The following DZIP1L variants were observed in gnomAD, a reference collection of about 807,000 sequenced individuals.
DZIP1L encodes the protein DAZ interacting zinc finger protein 1 like.
In DZIP1L, 90 loss-of-function variants were observed where a neutral mutation model predicts 88.7. The observed-to-expected ratio is 1.02, with a 90% CI of 0.86 to 1.21. The LOEUF (loss-of-function observed/expected upper bound fraction) is 1.21. Among genes scored for constraint, DZIP1L ranks in the 50% most tolerant of loss-of-function variants. The pLI is 0.00. For synonymous variants in DZIP1L, 363 were observed against 372.1 expected, an observed-to-expected ratio of 0.98 and a Z score of 0.28; for missense variants, 932 against 955.8, an observed-to-expected ratio of 0.98 and a Z score of 0.33.
Position 138,103,716 on chromosome 3 carries a change from C to A in DZIP1L, c.256G>T (p.Val86Leu), listed in dbSNP as rs142726001. The A allele has an allele frequency of 5.9e-4, 956 of 1,613,432 alleles. 2 individuals are homozygous for A. The highest frequency in any genetic ancestry group is 9.5e-4 in the Admixed American group (57 of 60,018). ...GQPVDPALLK[V>L]LRLAQLIIEY... is the part of the protein sequence containing the mutation. Reference sequence around the variant, plus strand: ...ATGATGAGCTGCGCCAGGCGCAGCACCTTGAGCAGTGCCGGGTCCACAGGC... The same window carrying A: ...ATGATGAGCTGCGCCAGGCGCAGCAACTTGAGCAGTGCCGGGTCCACAGGC... The change falls in exon 2 of 16, where the codon GTG (valine) becomes TTG (leucine). Residue 86 changes from valine to leucine, a missense_variant. Transcript: ENST00000327532.
chr3:138,069,216 C>T (rs1394450502), intron 12 of DZIP1L: 3 of 605,370 alleles, frequency 5.0e-6, no homozygotes, highest in Non-Finnish European at 8.9e-6. Context: ...GATCCACTTC[C>T]CCTTAATGAA....
intron 2 of DZIP1L, among the ~76,000 whole-genome samples, chr3:138,099,383 T>A (rs756153063): frequency 2.0e-5 from 3 of 152,182 alleles, no homozygotes; most frequent in Non-Finnish European, 4.4e-5. Context: ...TTCTTCTTCT[T>A]CCAATGTGGC....
At chr3:138,104,599 G>C (rs28688286) in intron 1 of DZIP1L, among the ~76,000 whole-genome samples, 9,489 of 152,250 alleles carry the variant, frequency 0.062, 412 homozygotes, top group Non-Finnish European at 0.093. Context: ...AATGGAACAC[G>C]AGTGAACTAC....
intron 1 of DZIP1L, among the ~76,000 whole-genome samples, chr3:138,106,045 T>A (rs1357527330): frequency 2.0e-5 from 3 of 151,222 alleles, no homozygotes; most frequent in Non-Finnish European, 2.9e-5. Flanking sequence ...CTTGCAGAAG[T>A]GAGAATCTGA....
chr3:138,068,181 C>A lies in DZIP1L; in HGVS notation c.1802G>T (p.Ser601Ile). 6.4e-7 allele frequency: 1 copy of A among 1,559,262 alleles called. No individual in the cohort carries two copies. The highest frequency in any genetic ancestry group is 1.2e-5 in the South Asian group (1 of 83,300). ...CCCGGGCCCCGAGGAAGGAGGGGTG[C>A]TGGAGGGTCCATGCAGTCCGGGGCG... ...APRPGLHGPS[S>I]TPPSSGPGMS... Residue 601 changes from serine to isoleucine, a missense_variant, in exon 13 of 16, where the codon AGC becomes ATC. Coordinates refer to ENST00000327532, the MANE Select transcript of DZIP1L (RefSeq NM_173543.3).
At chr3:138,072,614 T>A (rs1395356885) in intron 11 of DZIP1L, among the ~76,000 whole-genome samples, 1 of 152,174 alleles carries the variant, frequency 6.6e-6, no homozygotes, top group Non-Finnish European at 1.5e-5. Flanking sequence ...AATAATAACA[T>A]ACGTGTTCTG....
intron 10 of DZIP1L, 91 bp downstream of exon 10, chr3:138,080,475 CA>C: frequency 7.1e-7 from 1 of 1,410,852 alleles, no homozygotes; most frequent in Non-Finnish European, 1.0e-6. Flanking sequence ...TTCGGATGTC[CA>C]GATACAGTTA....
intron 5 of DZIP1L, chr3:138,088,915 C>T: frequency 1.0e-6 from 1 of 986,996 alleles, no homozygotes; most frequent in Non-Finnish European, 1.2e-6. Flanking sequence ...TCTCTCCCTA[C>T]AAAACATCCT....
At chr3:138,109,370 C>T (rs1328428010) in intron 1 of DZIP1L, among the ~76,000 whole-genome samples, 1 of 152,206 alleles carries the variant, frequency 6.6e-6, no homozygotes, top group Non-Finnish European at 1.5e-5. Flanking sequence ...GATTCACACC[C>T]AGGCAGCCTG....
chr3:138,091,039 A>G (rs1944196339), intron 5 of DZIP1L, among the ~76,000 whole-genome samples: 1 of 151,728 alleles, frequency 6.6e-6, no homozygotes, highest in East Asian at 2.0e-4. Flanking sequence ...ACCTGCCACC[A>G]CACCCAGCTA....
intron 2 of DZIP1L, chr3:138,101,996 G>A: frequency 6.5e-7 from 1 of 1,537,164 alleles, no homozygotes; most frequent in East Asian, 2.3e-5. Flanking sequence ...TCATCTCAGA[G>A]ATCTCAGTCT....
chr3:138,103,167 C>T (rs1193379856), intron 2 of DZIP1L, among the ~76,000 whole-genome samples: 1 of 152,000 alleles, frequency 6.6e-6, no homozygotes, highest in East Asian at 1.9e-4. Context: ...CATTTACAAA[C>T]ACACACACTC....
rs1038953440 is a variant in DZIP1L, at chr3:138,080,688, C to G, written c.1235-68G>C. ...CCCATCCCTGACTAGAAGAAAAGTACAGAACCCCAGCTGAGTATGAGCCAG... is the reference window on the plus strand; with the variant it reads ...CCCATCCCTGACTAGAAGAAAAGTAGAGAACCCCAGCTGAGTATGAGCCAG... On this transcript the variant is annotated intron_variant, in intron 9 of 15. Transcript: ENST00000327532. 51 of 1,546,426 alleles carry G rather than the reference C, an allele frequency of 3.3e-5. No individual in the cohort carries two copies. The African/African-American group carries it at 6.3e-4, about 19-fold the overall frequency.
At position 138,081,735 on chromosome 3, in the gene DZIP1L, T is replaced by C. The variant is rs1389642463; in HGVS notation, c.1233A>G (p.Glu411=). ...ACACTGCCCTGTGTAGACACTTACC[T>C]TCCACCTTCCTGAGAGACAAGGACT... The part of the protein sequence containing the change: ...MIQSLSLRKV[E]GIHKVPKAVD... The change falls in exon 9 of 16, where the codon GAA becomes GAG. Residue 411 remains glutamate (E), a splice_region_variant and synonymous_variant. Transcript: ENST00000327532. 1 of 1,613,250 alleles carries C rather than the reference T, an allele frequency of 6.2e-7. No homozygotes were observed. The highest frequency in any genetic ancestry group is 1.7e-5 in the Admixed American group (1 of 59,894).
At chr3:138,099,112 G>C (rs1490109849) in intron 2 of DZIP1L, among the ~76,000 whole-genome samples, 1 of 152,208 alleles carries the variant, frequency 6.6e-6, no homozygotes, top group Non-Finnish European at 1.5e-5. Flanking sequence ...CTGGATGACA[G>C]AGTGAGACCC....
rs1943664711 is a variant in DZIP1L at position 138,081,752 on chromosome 3, A to G, written c.1216T>C (p.Ser406Pro). 6.2e-7 allele frequency: 1 copy of G among 1,613,392 alleles called. No individual in the cohort carries two copies. Among genetic ancestry groups the G allele is most frequent in the African/African-American group, 1.3e-5 (1 of 75,046 alleles). The change falls in exon 9 of 16, where the codon TCT (serine) becomes CCT (proline). Residue 406 changes from serine (S) to proline (P), a missense_variant. Coordinates refer to ENST00000327532, the MANE Select transcript of DZIP1L (RefSeq NM_173543.3). ...ASQEEMIQSL[S>P]LRKVEGIHKV... ...CACTTACCTTCCACCTTCCTGAGAG[A>G]CAAGGACTGGATCTGCAAAGAGGTG... is the stretch of plus-strand genomic sequence containing the variant.
intron 4 of DZIP1L, 75 bp downstream of exon 4, chr3:138,094,787 G>A: frequency 1.9e-6 from 3 of 1,582,864 alleles, no homozygotes; most frequent in Middle Eastern, 3.5e-4. Flanking sequence ...TTTGCCCTGT[G>A]GGATTCATGT....
intron 9 of DZIP1L, 99 bp from the exon 10 acceptor site, chr3:138,080,719 G>C: frequency 7.9e-7 from 1 of 1,273,188 alleles, no homozygotes; most frequent in South Asian, 1.3e-5. Flanking sequence ...GCCAGAAAGA[G>C]AAAACCCTCC....
intron 8 of DZIP1L, among the ~76,000 whole-genome samples, 184 bp downstream of exon 8, chr3:138,083,929 A>C (rs1156278034): frequency 6.6e-6 from 1 of 152,208 alleles, no homozygotes; most frequent in African/African-American, 2.4e-5. Flanking sequence ...GCACATCTTC[A>C]GCCTGGAAGG....
Sources: gnomAD v4.1 joint callset for allele counts (sites outside exome capture counted in the v4.1 genomes callset) on GRCh38, gnomAD v4.1.1 for gene constraint, MANE v1.5 for transcripts, NCBI Gene and HGNC (gene_info 2026-07-23, HGNC 2026-07-21) for gene names.